The following RB1 variants were observed in gnomAD, a reference collection of about 807,000 sequenced individuals.
RB1 encodes RB transcriptional corepressor 1.
Under a neutral mutation model 135.4 loss-of-function variants are expected in RB1, and 18 were observed. The ratio of observed to expected loss-of-function variants is 0.13; its 90% CI spans 0.09 to 0.20. The LOEUF (loss-of-function observed/expected upper bound fraction) is 0.20. Ranked by LOEUF, RB1 falls within the 10% of genes least tolerant of loss-of-function variation. The pLI, the probability that RB1 is intolerant of heterozygous loss-of-function variation, is 1.00. For synonymous variants in RB1, 365 were observed against 373.2 expected (o/e 0.98, Z 0.25); for missense variants, 868 against 1,110.0 (o/e 0.78, Z 3.10).
At chr13:48,361,529 C>A (rs1326352457) in intron 7 of RB1, among the ~76,000 whole-genome samples, 1 of 152,106 alleles carries the variant, frequency 6.6e-6, no homozygotes, top group Non-Finnish European at 1.5e-5. Flanking sequence ...CAGTATATAT[C>A]TCTAAAAAAT....
In RB1 at chr13:48,480,325, C is replaced by T; in HGVS notation, c.*254C>T. 1 of 529,948 alleles carries T rather than the reference C, an allele frequency of 1.9e-6. No homozygotes were observed. Among genetic ancestry groups the T allele is most frequent in the South Asian group, 2.1e-5 (1 of 47,650 alleles). 32.8% of individuals were successfully genotyped at this position (529,948 alleles called of 1,614,324 possible). ...TTAAAAAGTTGTAGCAGATTGTTTC[C>T]TCTTCCAAAGTAAAATTGCTGTGCT... On this transcript the variant is annotated 3_prime_UTR_variant, in exon 27 of 27. Transcript: ENST00000267163.
intron 21 of RB1, 143 bp from the exon 22 acceptor site, chr13:48,464,855 C>T (rs1949427194): frequency 3.5e-6 from 3 of 862,660 alleles, no homozygotes; most frequent in Non-Finnish European, 5.0e-6. Flanking sequence ...ATTATTTTTT[C>T]CTTTATAATA....
chr13:48,434,442 T>G (rs1949161769), intron 17 of RB1, among the ~76,000 whole-genome samples: 1 of 152,160 alleles, frequency 6.6e-6, no homozygotes, highest in African/African-American at 2.4e-5. Flanking sequence ...CTTCAGGTGC[T>G]TTTATCCAAC....
rs1443429000 is a variant in RB1 at position 48,480,849 on chromosome 13, C to T, written c.*778C>T. On this transcript the variant is annotated 3_prime_UTR_variant, in exon 27 of 27. Transcript: ENST00000267163. ...ATTGATAGTACTCTTGGTTTTTATA[C>T]CATTCAGATCACTGAATTTATAAAG... is the stretch of plus-strand genomic sequence containing the variant. The T allele has an allele frequency of 1.8e-5, 4 of 227,200 alleles. No homozygotes were observed. Among genetic ancestry groups the T allele is most frequent in the African/African-American group, 8.9e-5 (4 of 45,018 alleles). 14.1% of individuals were successfully genotyped at this position (227,200 alleles called of 1,614,324 possible). A position where few individuals can be genotyped will look rare whatever the true frequency, so the allele number is the denominator to read the frequency against.
At chr13:48,448,957 C>T (rs1001768566) in intron 17 of RB1, among the ~76,000 whole-genome samples, 2 of 152,126 alleles carry the variant, frequency 1.3e-5, no homozygotes, top group Non-Finnish European at 2.9e-5. Flanking sequence ...AGGACCTGTG[C>T]TTTTATTGCT....
At chr13:48,459,307 A>G (rs948592914) in intron 19 of RB1, among the ~76,000 whole-genome samples, 6 of 152,138 alleles carry the variant, frequency 3.9e-5, no homozygotes, top group African/African-American at 1.4e-4. Context: ...TGTTCCCCCA[A>G]ACACCTATTT....
intron 17 of RB1, among the ~76,000 whole-genome samples, chr13:48,394,381 C>T (rs537652050): frequency 1.3e-5 from 2 of 152,128 alleles, no homozygotes; most frequent in Admixed American, 1.3e-4. Context: ...TCCAGTGGTG[C>T]CTGGAATGAC....
At chr13:48,313,966 G>A (rs1245210629) in intron 2 of RB1, among the ~76,000 whole-genome samples, 2 of 151,924 alleles carry the variant, frequency 1.3e-5, no homozygotes, top group African/African-American at 4.8e-5. Context: ...AGCCAGGATG[G>A]TCTCGATCTC....
rs145386981 is a variant in RB1, at chr13:48,314,861, T to C, written c.264+7455T>C. On this transcript the variant is annotated intron_variant, in intron 2 of 26. Coordinates refer to ENST00000267163, the MANE Select transcript of RB1 (RefSeq NM_000321.3). ...AGTACCATTTTATTTATTATAGTCCTCATGTTGTATATTAGATCTCTGGAC... is the reference window on the plus strand; with the variant it reads ...AGTACCATTTTATTTATTATAGTCCCCATGTTGTATATTAGATCTCTGGAC... 3.3e-5 allele frequency among the ~76,000 whole-genome samples: 5 copies of C among 152,284 alleles called. No homozygotes were observed. The East Asian group carries it at 9.6e-4, about 29-fold the overall frequency.
chr13:48,369,707 T>G (rs974881933), intron 11 of RB1, among the ~76,000 whole-genome samples: 1 of 152,206 alleles, frequency 6.6e-6, no homozygotes, highest in Admixed American at 6.5e-5. Flanking sequence ...TCCCTCTTCT[T>G]GAAATTTCCT....
At chr13:48,346,521 AAATAC>A (rs1399729324) in intron 4 of RB1, among the ~76,000 whole-genome samples, 14 of 101,278 alleles carry the variant, frequency 1.4e-4, no homozygotes, top group African/African-American at 5.1e-4. Context: ...ATATGATCCT[AAATAC>A]AATGTTGCTT....
chr13:48,320,088 C>T, intron 2 of RB1: 1 of 637,990 alleles, frequency 1.6e-6, no homozygotes, highest in Admixed American at 2.7e-5. Flanking sequence ...CGGATGGCTT[C>T]CGCAATGTCC....
chr13:48,367,389 T>C (rs1952713346), intron 9 of RB1, 105 bp from the exon 10 acceptor site: 2 of 1,244,198 alleles, frequency 1.6e-6, no homozygotes, highest in South Asian at 2.7e-5. Context: ...ATTACAAAAT[T>C]AAATGTATAT....
chr13:48,344,352 C>T (rs1952473429), intron 3 of RB1, among the ~76,000 whole-genome samples: 1 of 152,104 alleles, frequency 6.6e-6, no homozygotes, highest in African/African-American at 2.4e-5. Flanking sequence ...GGGCCCAGAG[C>T]AGGATGTTAG....
chr13:48,476,271 C>A (rs999673911), intron 24 of RB1: 1 of 198,728 alleles, frequency 5.0e-6, no homozygotes, highest in African/African-American at 2.4e-5. Flanking sequence ...TTGAACACAT[C>A]ATCTCTTATC....
chr13:48,378,481 A>C (rs76128074), intron 13 of RB1, among the ~76,000 whole-genome samples: 29 of 152,232 alleles, frequency 1.9e-4, no homozygotes, highest in Non-Finnish European at 3.7e-4. Context: ...CCAAGTCTTC[A>C]GGGACAATAA....
rs924185479 is a variant in RB1, at chr13:48,341,224, A to G, written c.265-1375A>G. The G allele has an allele frequency of 1.6e-4, 25 of 152,110 alleles. 1 individual carries two copies. Among genetic ancestry groups the G allele is most frequent in the Admixed American group, 5.9e-4 (9 of 15,286 alleles). 9.4% of individuals were successfully genotyped at this position (152,110 alleles called of 1,614,324 possible). A position where few individuals can be genotyped will look rare whatever the true frequency, so the allele number is the denominator to read the frequency against. On this transcript the variant is annotated intron_variant, in intron 2 of 26. Transcript: ENST00000267163. ...GCTTTTTCTCAGTGTAATAATTTTG[A>G]GATTTATCTATATTGTTATATATAT...
intron 18 of RB1, 53 bp downstream of exon 18, chr13:48,453,164 C>CAT: frequency 6.7e-7 from 1 of 1,496,644 alleles, no homozygotes; most frequent in Non-Finnish European, 9.2e-7. Context: ...AGATTTTAAG[C>CAT]ATAAGTGCAA....
At chr13:48,361,525 A>G (rs1008658807) in intron 7 of RB1, among the ~76,000 whole-genome samples, 3 of 152,166 alleles carry the variant, frequency 2.0e-5, no homozygotes, top group Admixed American at 6.5e-5. Context: ...ATCTCAGTAT[A>G]TATCTCTAAA....
Sources: allele counts gnomAD v4.1 joint callset (sites outside exome capture counted in the v4.1 genomes callset), GRCh38; gene constraint gnomAD v4.1.1; transcripts MANE v1.5; gene names NCBI Gene and HGNC (gene_info 2026-07-23, HGNC 2026-07-21).